The following SKIC3 variants were observed in gnomAD, a reference collection of about 807,000 sequenced individuals.
SKIC3 encodes SKI3 subunit of superkiller complex.
chr5:95,482,707 G>A, the SKIC3 span: 15 of 1,535,956 alleles, frequency 9.8e-6, no homozygotes, highest in South Asian at 1.5e-4. Flanking sequence ...TATTCTCCAA[G>A]TTGGGAAAAT....
At chr5:95,515,032 T>C in the SKIC3 span, 7 of 1,091,630 alleles carry the variant, frequency 6.4e-6, no homozygotes, top group South Asian at 8.1e-5. Flanking sequence ...TAAATATGTA[T>C]GAACATAAAA....
At chr5:95,478,112 T>C in the SKIC3 span, among the ~76,000 whole-genome samples, 3 of 152,172 alleles carry the variant, frequency 2.0e-5, no homozygotes, top group African/African-American at 7.2e-5. Flanking sequence ...CTGTAGTCTA[T>C]AGATTTATGT....
the SKIC3 span, among the ~76,000 whole-genome samples, chr5:95,489,469 G>A: frequency 6.7e-6 from 1 of 149,544 alleles, no homozygotes; most frequent in African/African-American, 2.5e-5. Context: ...TGAAAATGGA[G>A]TTGGATTAAT....
the SKIC3 span, chr5:95,467,728 T>G: frequency 1.6e-6 from 2 of 1,246,946 alleles, no homozygotes; most frequent in Non-Finnish European, 2.2e-6. Flanking sequence ...AGCCAAAAAA[T>G]TACACACTCA....
chr5:95,491,682 T>C, the SKIC3 span, among the ~76,000 whole-genome samples: 1 of 152,212 alleles, frequency 6.6e-6, no homozygotes. Context: ...GAAAAGATTA[T>C]GCATAACGAC....
At chr5:95,554,689 G>A in the SKIC3 span, among the ~76,000 whole-genome samples, 1 of 152,132 alleles carries the variant, frequency 6.6e-6, no homozygotes, top group Non-Finnish European at 1.5e-5. Context: ...TATTCGGGGG[G>A]GTCTAAGGCA....
chr5:95,536,779 C>T, the SKIC3 span: 1 of 1,507,282 alleles, frequency 6.6e-7, no homozygotes, highest in South Asian at 1.1e-5. Flanking sequence ...CATAATCACA[C>T]ACCTCTAGGA....
At chr5:95,515,050 G>A in the SKIC3 span, 1 of 935,718 alleles carries the variant, frequency 1.1e-6, no homozygotes, top group Non-Finnish European at 1.6e-6. Flanking sequence ...AAATTTCACT[G>A]TTTAAGCATA....
chr5:95,548,794 T>TA, the SKIC3 span: 1 of 151,376 alleles, frequency 6.6e-6, no homozygotes, highest in African/African-American at 2.4e-5. Flanking sequence ...GACACTCAAG[T>TA]AAAAAAATCA....
chr5:95,518,468 C>A, the SKIC3 span, among the ~76,000 whole-genome samples: 1 of 152,010 alleles, frequency 6.6e-6, no homozygotes, highest in Non-Finnish European at 1.5e-5. Flanking sequence ...TTCCCCCTAC[C>A]CTTCCCAGCT....
the SKIC3 span, among the ~76,000 whole-genome samples, chr5:95,552,558 G>T: frequency 6.6e-6 from 1 of 152,126 alleles, no homozygotes; most frequent in Admixed American, 6.5e-5. Context: ...TCAATCAGTA[G>T]ATGTTTATTG....
the SKIC3 span, chr5:95,464,588 A>T: frequency 6.3e-7 from 1 of 1,583,904 alleles, no homozygotes; most frequent in Admixed American, 1.7e-5. Context: ...TTGCTTCCTT[A>T]CTATAAAATA....
chr5:95,502,655 G>A, the SKIC3 span, among the ~76,000 whole-genome samples: 1 of 152,088 alleles, frequency 6.6e-6, no homozygotes, highest in African/African-American at 2.4e-5. Flanking sequence ...CAAATAATAT[G>A]CAACAGAGTA....
the SKIC3 span, among the ~76,000 whole-genome samples, chr5:95,485,315 A>G: frequency 6.6e-6 from 1 of 152,142 alleles, no homozygotes; most frequent in Admixed American, 6.5e-5. Context: ...CCCTGTCCCC[A>G]GTCAGCTCCT....
chr5:95,507,025 A>T, the SKIC3 span: 1 of 1,595,518 alleles, frequency 6.3e-7, no homozygotes, highest in Non-Finnish European at 8.6e-7. Flanking sequence ...AAAAAAAAAA[A>T]GGTATTTTAA....
chr5:95,488,454 A>C, the SKIC3 span, among the ~76,000 whole-genome samples: 1 of 152,218 alleles, frequency 6.6e-6, no homozygotes. Flanking sequence ...TACTACTTAT[A>C]AATGAACACC....
chr5:95,542,349 T>G, the SKIC3 span, among the ~76,000 whole-genome samples: 1 of 152,172 alleles, frequency 6.6e-6, no homozygotes. Flanking sequence ...TTTTGATATA[T>G]GTATTCACTG....
At chr5:95,520,601 T>C in the SKIC3 span, 3 of 792,604 alleles carry the variant, frequency 3.8e-6, no homozygotes, top group East Asian at 2.7e-5. Context: ...TTATTCTTTA[T>C]GTTTGACATT....
the SKIC3 span, among the ~76,000 whole-genome samples, chr5:95,487,698 C>T: frequency 0.019 from 2,900 of 152,078 alleles, 36 homozygotes; most frequent in Non-Finnish European, 0.029. Context: ...TGCTCCCCTA[C>T]GAAAGAAAAT....
Sources: allele counts gnomAD v4.1 joint callset (sites outside exome capture counted in the v4.1 genomes callset), GRCh38; gene constraint gnomAD v4.1.1; transcripts MANE v1.5; gene names NCBI Gene and HGNC (gene_info 2026-07-23, HGNC 2026-07-21).